Variants in AGPAT4 observed in about 807,000 individuals in gnomAD.
AGPAT4 encodes 1-acyl-sn-glycerol-3-phosphate acyltransferase delta.
AGPAT4 carries 15 observed loss-of-function variants against 48.0 expected under a neutral mutation model. That is an observed-to-expected ratio of 0.31 (90% CI 0.21 to 0.48). The LOEUF is 0.48. AGPAT4 is among the 20% of genes least tolerant of loss of function. The probability of loss-of-function intolerance (pLI) is 0.99; values close to 1 mark genes in which losing one functional copy is unlikely to be tolerated. For synonymous variants in AGPAT4, 178 were observed against 198.7 expected (o/e 0.90, Z 0.88); for missense variants, 314 against 482.5 (o/e 0.65, Z 3.27).
rs1176470617 is a variant in AGPAT4 at position 161,222,829 on chromosome 6, G to C, written c.178+9207C>G. Among the ~76,000 whole-genome samples, 1 of 152,070 alleles carries C rather than the reference G, an allele frequency of 6.6e-6. No homozygotes were observed. The highest frequency in any genetic ancestry group is 1.5e-5 in the Non-Finnish European group (1 of 68,026). On this transcript the variant is annotated intron_variant, in intron 2 of 8. Coordinates refer to ENST00000320285, the MANE Select transcript of AGPAT4 (RefSeq NM_020133.3). The surrounding 1 kb of genome is among the most constrained non-coding windows in gnomAD (Gnocchi z 5.9). ...CTCTGGCCTCATTCATTTGCACGGT[G>C]GCCTCACGACACAGCAAGGCCATGA... is the stretch of plus-strand genomic sequence containing the variant.
In AGPAT4 at chr6:161,158,241, C is replaced by T. The variant is rs953670597; in HGVS notation, c.349-3931G>A. On this transcript the variant is annotated intron_variant, in intron 3 of 8. Transcript: ENST00000320285. The surrounding 1 kb of genome is among the most constrained non-coding windows in gnomAD (Gnocchi z 5.3). ...TATTAAGACATACTGACAGTTCCCCCGGCAAAAGGTTCAATAGGCTATAAC... is the reference window on the plus strand; with the variant it reads ...TATTAAGACATACTGACAGTTCCCCTGGCAAAAGGTTCAATAGGCTATAAC... Among the ~76,000 whole-genome samples, 13 of 152,160 alleles carry T rather than the reference C, an allele frequency of 8.5e-5. No individual in the cohort carries two copies. Among genetic ancestry groups the T allele is most frequent in the East Asian group, 3.9e-4 (2 of 5,192 alleles).
At position 161,221,864 on chromosome 6, in the gene AGPAT4, A is replaced by G. The variant is rs943810126; in HGVS notation, c.178+10172T>C. Among the ~76,000 whole-genome samples the G allele has an allele frequency of 1.1e-4, 17 of 152,220 alleles. No homozygotes were observed. On this transcript the variant is annotated intron_variant, in intron 2 of 8. Transcript: ENST00000320285. This position sits in a 1 kb window ranked among gnomAD's most constrained non-coding sequence, Gnocchi z 4.5. ...CTGTGTCCACATTTTATAAAGACGC[A>G]GTCTTGTGGGATTAGGGCATACCCT...
Position 161,141,465 on chromosome 6 carries a change from T to C in AGPAT4, c.844-1845A>G, listed in dbSNP as rs1779246847. Reference sequence around the variant, plus strand: ...TGCCCAGAGAGGTGGCACCCAACTCTGCCAGGGAAGCAGCGGCATTCGCCT... The same window carrying C: ...TGCCCAGAGAGGTGGCACCCAACTCCGCCAGGGAAGCAGCGGCATTCGCCT... On this transcript the variant is annotated intron_variant, in intron 7 of 8. Transcript: ENST00000320285. This position sits in a 1 kb window ranked among gnomAD's most constrained non-coding sequence, Gnocchi z 6.7. 6.6e-6 allele frequency among the ~76,000 whole-genome samples: 1 copy of C among 152,110 alleles called. No individual in the cohort carries two copies. The highest frequency in any genetic ancestry group is 1.5e-5 in the Non-Finnish European group (1 of 68,024).
chr6:161,248,313 G>A lies in AGPAT4; in HGVS notation c.-89-16011C>T, dbSNP rs369306370. Among the ~76,000 whole-genome samples the A allele has an allele frequency of 2.9e-3, 444 of 152,220 alleles. 2 individuals carry two copies. The highest frequency in any genetic ancestry group is 0.01 in the African/African-American group (416 of 41,538). Reference sequence around the variant, plus strand: ...ATACTGGCTGGGCGCGGTGGCTCACGCCTGTAATCCCAGCACTTTGGGAGG... The same window carrying A: ...ATACTGGCTGGGCGCGGTGGCTCACACCTGTAATCCCAGCACTTTGGGAGG... On this transcript the variant is annotated intron_variant, in intron 1 of 8. Transcript: ENST00000320285.
rs969039056 is a variant in AGPAT4 at position 161,204,284 on chromosome 6, T to G, written c.178+27752A>C. On this transcript the variant is annotated intron_variant, in intron 2 of 8. Coordinates refer to ENST00000320285, the MANE Select transcript of AGPAT4 (RefSeq NM_020133.3). The surrounding 1 kb of genome is among the most constrained non-coding windows in gnomAD (Gnocchi z 4.4). Reference sequence around the variant, plus strand: ...ATAAAGGTAGTGTATATGTTAAATATGTCTGAAATTTGAGGAGATGATCTC... The same window carrying G: ...ATAAAGGTAGTGTATATGTTAAATAGGTCTGAAATTTGAGGAGATGATCTC... 2.0e-5 allele frequency among the ~76,000 whole-genome samples: 3 copies of G among 152,218 alleles called. No homozygotes were observed. The highest frequency in any genetic ancestry group is 7.2e-5 in the African/African-American group (3 of 41,468).
In AGPAT4 at chr6:161,181,030, T is replaced by C. The variant is rs73015458; in HGVS notation, c.179-14613A>G. On this transcript the variant is annotated intron_variant, in intron 2 of 8. Transcript: ENST00000320285. The stretch of plus-strand genomic sequence containing the variant: ...AGGGAAATGATGGCACCCTCTCCAG[T>C]CATCACCCTGAGGAACTGGGCATCA... Among the ~76,000 whole-genome samples, 89 of 152,294 alleles carry C rather than the reference T, an allele frequency of 5.8e-4. 1 individual carries two copies. The highest frequency in any genetic ancestry group is 3.4e-3 in the Middle Eastern group (1 of 294).
chr6:161,248,340 C>T (rs143648365), intron 1 of AGPAT4, among the ~76,000 whole-genome samples: 2,548 of 152,020 alleles, frequency 0.017, 76 homozygotes, highest in African/African-American at 0.058. Context: ...TTTGGGAGGC[C>T]GAGACGGGCG....
At position 161,165,726 on chromosome 6, in the gene AGPAT4, A is replaced by G; in HGVS notation, c.348+522T>C. On this transcript the variant is annotated intron_variant, in intron 3 of 8. Coordinates refer to ENST00000320285, the MANE Select transcript of AGPAT4 (RefSeq NM_020133.3). This position sits in a 1 kb window ranked among gnomAD's most constrained non-coding sequence, Gnocchi z 5.5. The stretch of plus-strand genomic sequence containing the variant: ...GCAAGAGGTCAAACTAGTTGGGAAA[A>G]AAAAAAAACAGAATTTCAGAATAAT... 2 of 849,472 alleles carry G rather than the reference A, an allele frequency of 2.4e-6. No individual in the cohort carries two copies. Among genetic ancestry groups the G allele is most frequent in the Non-Finnish European group, 3.5e-6 (2 of 573,236 alleles). 52.6% of individuals were successfully genotyped at this position (849,472 alleles called of 1,614,324 possible).
chr6:161,187,296 T>C (rs1780797302), intron 2 of AGPAT4, among the ~76,000 whole-genome samples: 1 of 152,172 alleles, frequency 6.6e-6, no homozygotes. Context: ...CCATAGAGTG[T>C]GCTTTCCTCA....
rs185302967 is a variant in AGPAT4, at chr6:161,192,276, G to A, written c.179-25859C>T. Among the ~76,000 whole-genome samples, 12 of 149,234 alleles carry A rather than the reference G, an allele frequency of 8.0e-5. No individual in the cohort carries two copies. In the East Asian group the frequency reaches 2.4e-3, roughly 30 times the overall value. ...AGCGATTCTCCTGCCTCAGCCTCCT[G>A]AATAGCTGGGATTACAGGTGCCTGC... On this transcript the variant is annotated intron_variant, in intron 2 of 8. Coordinates refer to ENST00000320285, the MANE Select transcript of AGPAT4 (RefSeq NM_020133.3).
rs186187219 is a variant in AGPAT4, at chr6:161,234,419, C to T, written c.-89-2117G>A. 1.3e-5 allele frequency among the ~76,000 whole-genome samples: 2 copies of T among 152,204 alleles called. No homozygotes were observed. The highest frequency in any genetic ancestry group is 4.8e-5 in the African/African-American group (2 of 41,528). On this transcript the variant is annotated intron_variant, in intron 1 of 8. Transcript: ENST00000320285. This position sits in a 1 kb window ranked among gnomAD's most constrained non-coding sequence, Gnocchi z 4.4. ...CCAGGCCCTGCAGGGTCTGAATCAT[C>T]ACATCTCTGGCCTTTCGCAGACGGC...
chr6:161,268,444 C>T (rs1183486062), intron 1 of AGPAT4, among the ~76,000 whole-genome samples: 1 of 152,210 alleles, frequency 6.6e-6, no homozygotes, highest in Non-Finnish European at 1.5e-5. Context: ...GACCCATCCT[C>T]TAAGTTCCCT....
rs1782645308 is a variant in AGPAT4, at chr6:161,246,294, T to C, written c.-89-13992A>G. On this transcript the variant is annotated intron_variant, in intron 1 of 8. Transcript: ENST00000320285. This position sits in a 1 kb window ranked among gnomAD's most constrained non-coding sequence, Gnocchi z 5.5. Reference sequence around the variant, plus strand: ...GTCCACTGAGAAGTATATTCATTCATTAGGTTCCCATCCAAGGAGCTACCC... The same window carrying C: ...GTCCACTGAGAAGTATATTCATTCACTAGGTTCCCATCCAAGGAGCTACCC... 6.6e-6 allele frequency among the ~76,000 whole-genome samples: 1 copy of C among 152,220 alleles called. No homozygotes were observed. Among genetic ancestry groups the C allele is most frequent in the Non-Finnish European group, 1.5e-5 (1 of 68,044 alleles).
rs1223466697 is a variant in AGPAT4 at position 161,198,940 on chromosome 6, T to C, written c.179-32523A>G. On this transcript the variant is annotated intron_variant, in intron 2 of 8. Transcript: ENST00000320285. This position sits in a 1 kb window ranked among gnomAD's most constrained non-coding sequence, Gnocchi z 4.3. ...ATATATGTCAGAATTACTGCTGATATCGATTCCTTTTTTGAAGCCCTAAGA... is the reference window on the plus strand; with the variant it reads ...ATATATGTCAGAATTACTGCTGATACCGATTCCTTTTTTGAAGCCCTAAGA... Among the ~76,000 whole-genome samples, 3 of 152,216 alleles carry C rather than the reference T, an allele frequency of 2.0e-5. No individual in the cohort carries two copies. Among genetic ancestry groups the C allele is most frequent in the Admixed American group, 6.5e-5 (1 of 15,288 alleles).
rs1221877724 is a variant in AGPAT4, at chr6:161,251,797, A to G, written c.-89-19495T>C. On this transcript the variant is annotated intron_variant, in intron 1 of 8. Transcript: ENST00000320285. The surrounding 1 kb of genome is among the most constrained non-coding windows in gnomAD (Gnocchi z 4.6). ...GCATTGATAGTTTACAAATCTACCT[A>G]TAGGGCAGTTTCTGCAGGAGGAACA... Among the ~76,000 whole-genome samples the G allele has an allele frequency of 6.6e-6, 1 of 152,196 alleles. No individual in the cohort carries two copies. Among genetic ancestry groups the G allele is most frequent in the Non-Finnish European group, 1.5e-5 (1 of 68,024 alleles).
Position 161,141,306 on chromosome 6 carries a change from G to C in AGPAT4, c.844-1686C>G, listed in dbSNP as rs1779242847. Among the ~76,000 whole-genome samples, 1 of 152,066 alleles carries C rather than the reference G, an allele frequency of 6.6e-6. No homozygotes were observed. The highest frequency in any genetic ancestry group is 1.5e-5 in the Non-Finnish European group (1 of 68,026). ...CAAGAGAAGCCATGGGGGCTCTCAG[G>C]GGAAGTCACATCATCAAGCAACTGA... On this transcript the variant is annotated intron_variant, in intron 7 of 8. Coordinates refer to ENST00000320285, the MANE Select transcript of AGPAT4 (RefSeq NM_020133.3). The surrounding 1 kb of genome is among the most constrained non-coding windows in gnomAD (Gnocchi z 6.7).
At chr6:161,162,320 A>G (rs1247805595) in intron 3 of AGPAT4, among the ~76,000 whole-genome samples, 1 of 152,162 alleles carries the variant, frequency 6.6e-6, no homozygotes, top group Non-Finnish European at 1.5e-5. Flanking sequence ...ACTTCCAACC[A>G]ACAGTATGGA....
rs1310988752 is a variant in AGPAT4, at chr6:161,185,120, C to T, written c.179-18703G>A. On this transcript the variant is annotated intron_variant, in intron 2 of 8. Coordinates refer to ENST00000320285, the MANE Select transcript of AGPAT4 (RefSeq NM_020133.3). The stretch of plus-strand genomic sequence containing the variant: ...CAATGTATGGGCCCTATTTAAATCC[C>T]TATGTAAATACTCCAAATGTTTAAA... Among the ~76,000 whole-genome samples the T allele has an allele frequency of 9.7e-5, 14 of 143,984 alleles. No homozygotes were observed. In the East Asian group the frequency reaches 2.9e-3, roughly 30 times the overall value. 94.5% of individuals were successfully genotyped at this position (143,984 alleles called of 152,430 possible).
At chr6:161,228,429 C>T (rs1782037622) in intron 2 of AGPAT4, among the ~76,000 whole-genome samples, 1 of 152,094 alleles carries the variant, frequency 6.6e-6, no homozygotes, top group East Asian at 1.9e-4. Flanking sequence ...GGCTCCAGCT[C>T]ATAGAGCCTG....
Sources: gnomAD v4.1 joint callset for allele counts (sites outside exome capture counted in the v4.1 genomes callset) on GRCh38, gnomAD v4.1.1 for gene constraint, Gnocchi (gnomAD v3.1) non-coding constraint, MANE v1.5 for transcripts, NCBI Gene and HGNC (gene_info 2026-07-23, HGNC 2026-07-21) for gene names.